Variants in ASAP1 observed in about 807,000 individuals in gnomAD.
ASAP1 encodes ArfGAP with SH3 domain, ankyrin repeat and PH domain 1.
ASAP1 carries 43 observed loss-of-function variants against 145.2 expected under a neutral mutation model. The ratio of observed to expected loss-of-function variants is 0.30; its 90% CI spans 0.23 to 0.38. The LOEUF is 0.38. Among genes scored for constraint, ASAP1 ranks in the 10% least tolerant of loss-of-function variants. The probability of loss-of-function intolerance (pLI) is 1.00; values close to 1 mark genes in which losing one functional copy is unlikely to be tolerated. For synonymous variants in ASAP1, 546 were observed against 515.5 expected, an observed-to-expected ratio of 1.06 and a Z score of -0.80; for missense variants, 1,018 against 1,355.3, an observed-to-expected ratio of 0.75 and a Z score of 3.91.
intron 3 of ASAP1, among the ~76,000 whole-genome samples, chr8:130,352,106 T>G (rs1202391928): frequency 6.6e-6 from 1 of 152,184 alleles, no homozygotes; most frequent in Non-Finnish European, 1.5e-5. Context: ...AAGGTTTGTT[T>G]GCCTTTTGTT....
At chr8:130,162,585 G>A (rs890233167) in intron 11 of ASAP1, among the ~76,000 whole-genome samples, 5 of 152,150 alleles carry the variant, frequency 3.3e-5, no homozygotes, top group Non-Finnish European at 5.9e-5. Flanking sequence ...TTGGGAGGCT[G>A]AGGCGGGTGG....
chr8:130,356,068 A>T (rs995641370), intron 3 of ASAP1, among the ~76,000 whole-genome samples: 2 of 147,126 alleles, frequency 1.4e-5, no homozygotes, highest in Admixed American at 1.4e-4. Flanking sequence ...ATCTTACAAC[A>T]GTATTTCTCA....
Position 130,179,276 on chromosome 8 carries a change from T to C in ASAP1, c.734A>G (p.His245Arg), listed in dbSNP as rs1287008959. Reference sequence around the variant, plus strand: ...ATATTCTACTCACTTGCACTGTGCATGGTAATACTTTATAAGATTCTGCAG... The same window carrying C: ...ATATTCTACTCACTTGCACTGTGCACGGTAATACTTTATAAGATTCTGCAG... ...DLLQNLIKYY[H>R]AQCNFFQDGL... is the part of the protein sequence containing the mutation. The change falls in exon 9 of 30, where the codon CAT (histidine) becomes CGT (arginine). Residue 245 changes from histidine (H) to arginine (R), a missense_variant. His to Arg is a conservative substitution (Grantham distance 29, BLOSUM62 0). Transcript: ENST00000518721. The C allele has an allele frequency of 1.1e-5, 17 of 1,603,252 alleles. No homozygotes were observed. The highest frequency in any genetic ancestry group is 1.5e-5 in the Non-Finnish European group (17 of 1,170,254).
intron 5 of ASAP1, among the ~76,000 whole-genome samples, chr8:130,201,033 A>G (rs7017795): frequency 0.12 from 18,845 of 152,160 alleles, 1,502 homozygotes; most frequent in African/African-American, 0.22. Flanking sequence ...TCACCTGGAA[A>G]CTTGTTGGTT....
intron 12 of ASAP1, among the ~76,000 whole-genome samples, chr8:130,153,341 A>ATATATATATATATATATATATATG (rs2135963674): frequency 2.1e-5 from 1 of 47,852 alleles, no homozygotes; most frequent in Admixed American, 2.4e-4. Context: ...AAATATATAT[A>ATATATATATATATATATATATATG]TATATATATA....
chr8:130,429,204 T>C (rs1053352076), intron 1 of ASAP1, among the ~76,000 whole-genome samples: 2 of 152,226 alleles, frequency 1.3e-5, no homozygotes, highest in Admixed American at 1.3e-4. Flanking sequence ...GTTTCCTCTG[T>C]GGAGAGCTTA....
chr8:130,382,966 G>C (rs1358012062), intron 2 of ASAP1, among the ~76,000 whole-genome samples: 1 of 152,204 alleles, frequency 6.6e-6, no homozygotes, highest in Non-Finnish European at 1.5e-5. Context: ...ATGCATGGGA[G>C]TGTGCAGAGT....
At chr8:130,443,307 GAGA>G (rs1446822161) in intron 1 of ASAP1, among the ~76,000 whole-genome samples, 150 bp downstream of exon 1, 5 of 151,696 alleles carry the variant, frequency 3.3e-5, no homozygotes, top group Admixed American at 1.3e-4. Flanking sequence ...CCTCCCCGCG[GAGA>G]AGGACACCCC....
chr8:130,196,107 C>T (rs541296112), intron 5 of ASAP1, among the ~76,000 whole-genome samples: 12 of 152,232 alleles, frequency 7.9e-5, no homozygotes, highest in Non-Finnish European at 1.6e-4. Flanking sequence ...GCTGGAAGGC[C>T]GAGGCAGGCG....
At chr8:130,369,497 C>T (rs1827113080) in intron 2 of ASAP1, among the ~76,000 whole-genome samples, 1 of 152,014 alleles carries the variant, frequency 6.6e-6, no homozygotes, top group Non-Finnish European at 1.5e-5. Flanking sequence ...GCCTAGTATT[C>T]AAAATATATA....
intron 13 of ASAP1, among the ~76,000 whole-genome samples, chr8:130,145,577 T>C (rs1176340549): frequency 6.6e-6 from 1 of 152,174 alleles, no homozygotes; most frequent in Non-Finnish European, 1.5e-5. Flanking sequence ...CAAAATGTGC[T>C]TGAGGCTTTT....
intron 5 of ASAP1, among the ~76,000 whole-genome samples, chr8:130,206,159 T>C (rs113923836): frequency 0.02 from 3,079 of 152,216 alleles, 98 homozygotes; most frequent in African/African-American, 0.069. Flanking sequence ...TCCCACAGTA[T>C]TAATTGGTAG....
At chr8:130,118,758 G>A (rs892886232) in intron 18 of ASAP1, 83 bp from the exon 19 acceptor site, 35 of 1,054,902 alleles carry the variant, frequency 3.3e-5, no homozygotes, top group South Asian at 1.3e-4. Context: ...TTCTCTTTGA[G>A]AAGTTATTTT....
intron 6 of ASAP1, among the ~76,000 whole-genome samples, chr8:130,187,618 T>G (rs1814828206): frequency 1.3e-5 from 2 of 152,206 alleles, no homozygotes; most frequent in South Asian, 2.1e-4. Context: ...GGGGTCTTAT[T>G]ATGTTGCCCA....
chr8:130,193,664 C>G (rs1815293455), intron 5 of ASAP1, among the ~76,000 whole-genome samples: 1 of 152,030 alleles, frequency 6.6e-6, no homozygotes, highest in South Asian at 2.1e-4. Flanking sequence ...TGCCTCAAAT[C>G]CTTTGTGAAA....
chr8:130,406,099 T>G (rs1436834525), intron 1 of ASAP1, among the ~76,000 whole-genome samples: 1 of 152,234 alleles, frequency 6.6e-6, no homozygotes, highest in Non-Finnish European at 1.5e-5. Flanking sequence ...TTTTTGTTGT[T>G]GTTGTTGTTA....
chr8:130,084,564 C>T (rs2097488559), intron 25 of ASAP1: 1 of 152,296 alleles, frequency 6.6e-6, no homozygotes, highest in East Asian at 1.9e-4. Context: ...GGGGCATTGG[C>T]TCAGCAGCGA....
intron 2 of ASAP1, among the ~76,000 whole-genome samples, chr8:130,377,984 T>C (rs1312006347): frequency 6.6e-6 from 1 of 152,204 alleles, no homozygotes; most frequent in African/African-American, 2.4e-5. Flanking sequence ...CCCTGACTGA[T>C]ACAGGGAGAC....
intron 3 of ASAP1, among the ~76,000 whole-genome samples, chr8:130,306,634 T>G (rs901715921): frequency 3.9e-5 from 6 of 152,146 alleles, no homozygotes; most frequent in Admixed American, 3.9e-4. Context: ...CGGAACAAAC[T>G]CAGCTCTCTG....
Sources: allele counts gnomAD v4.1 joint callset (sites outside exome capture counted in the v4.1 genomes callset), GRCh38; gene constraint gnomAD v4.1.1; transcripts MANE v1.5; gene names NCBI Gene and HGNC (gene_info 2026-07-23, HGNC 2026-07-21).